The following SRPK1 variants were observed in gnomAD, a reference collection of about 807,000 sequenced individuals.
SRPK1 encodes the protein SRSF protein kinase 1.
In SRPK1, 52 loss-of-function variants were observed where a neutral mutation model predicts 89.5. That is an observed-to-expected ratio of 0.58 (90% CI 0.46 to 0.73). The LOEUF is 0.73. Ranked by LOEUF, SRPK1 falls within the 30% of genes least tolerant of loss-of-function variation. The pLI is 0.00. For missense variants in SRPK1, 603 were observed against 780.6 expected (o/e 0.77, Z 2.71); for synonymous variants, 255 against 270.2 (o/e 0.94, Z 0.55).
At chr6:35,915,991 A>AATATATAT (rs1286740833) in intron 2 of SRPK1, among the ~76,000 whole-genome samples, 15 of 86,298 alleles carry the variant, frequency 1.7e-4, no homozygotes, top group African/African-American at 8.3e-4. Flanking sequence ...AAAAAAAAAA[A>AATATATAT]ATATATACAC....
chr6:35,864,099 CAT>C (rs1054424109), intron 12 of SRPK1, among the ~76,000 whole-genome samples: 26 of 152,082 alleles, frequency 1.7e-4, no homozygotes, highest in African/African-American at 2.2e-4. Context: ...TACAAGAAAA[CAT>C]GTGGGAAAAT....
chr6:35,917,547 C>G (rs1771138005), intron 2 of SRPK1, among the ~76,000 whole-genome samples: 1 of 151,960 alleles, frequency 6.6e-6, no homozygotes, highest in Non-Finnish European at 1.5e-5. Flanking sequence ...ATTTAAAATC[C>G]CAAAGTCAAA....
At chr6:35,899,009 A>C (rs1006365259) in intron 2 of SRPK1, among the ~76,000 whole-genome samples, 1 of 152,144 alleles carries the variant, frequency 6.6e-6, no homozygotes, top group African/African-American at 2.4e-5. Context: ...AAAAATACAA[A>C]AATTAGCTGG....
chr6:35,862,356 A>G (rs552282947), intron 12 of SRPK1, among the ~76,000 whole-genome samples: 1 of 152,216 alleles, frequency 6.6e-6, no homozygotes, highest in African/African-American at 2.4e-5. Context: ...AAACCTCACC[A>G]CAACCTAAAC....
chr6:35,872,579 C>T lies in SRPK1; in HGVS notation c.735G>A (p.Pro245=). The T allele has an allele frequency of 2.5e-6, 4 of 1,605,496 alleles. No homozygotes were observed. Among genetic ancestry groups the T allele is most frequent in the South Asian group, 1.1e-5 (1 of 88,144 alleles). Residue 245 remains proline, a synonymous_variant, in exon 8 of 16, where the codon CCG becomes CCA. Transcript: ENST00000373825. The part of the protein sequence containing the change: ...ATEWQRSGAP[P]PSGSAVSTAP... ...AAAATACACCTGCAGATCCGGAAGG[C>T]GGAGGAGCTCCAGATCGCTGCCATT...
At chr6:35,879,588 A>AT (rs1197875464) in intron 6 of SRPK1, among the ~76,000 whole-genome samples, 1 of 152,178 alleles carries the variant, frequency 6.6e-6, no homozygotes, top group Non-Finnish European at 1.5e-5. Context: ...AACCTTAGGG[A>AT]TATGGCCAAA....
At chr6:35,836,266 G>A (rs1769176391) in intron 15 of SRPK1, among the ~76,000 whole-genome samples, 1 of 152,024 alleles carries the variant, frequency 6.6e-6, no homozygotes, top group Non-Finnish European at 1.5e-5. Context: ...AGGTGACACA[G>A]TTTTATCTCC....
At chr6:35,893,282 C>T (rs1770558230) in intron 2 of SRPK1, among the ~76,000 whole-genome samples, 1 of 152,112 alleles carries the variant, frequency 6.6e-6, no homozygotes, top group African/African-American at 2.4e-5. Context: ...CCTAAAAGTT[C>T]AAGACCAGCC....
intron 13 of SRPK1, among the ~76,000 whole-genome samples, chr6:35,854,377 T>C (rs574736857): frequency 6.6e-6 from 1 of 152,340 alleles, no homozygotes; most frequent in Admixed American, 6.5e-5. Context: ...TTAATTACAT[T>C]GGATGCAGGA....
chr6:35,917,794 G>T (rs548992280), intron 2 of SRPK1, among the ~76,000 whole-genome samples: 7 of 152,254 alleles, frequency 4.6e-5, no homozygotes, highest in African/African-American at 1.7e-4. Flanking sequence ...TCATTTAAAC[G>T]CTTTGTTTTT....
intron 2 of SRPK1, among the ~76,000 whole-genome samples, chr6:35,901,699 T>C (rs1359385814): frequency 6.6e-6 from 1 of 152,226 alleles, no homozygotes; most frequent in African/African-American, 2.4e-5. Context: ...TTTAACGAGA[T>C]GCTATTTTAG....
chr6:35,889,243 ATATC>A (rs1770469956), intron 3 of SRPK1, among the ~76,000 whole-genome samples: 1 of 152,176 alleles, frequency 6.6e-6, no homozygotes, highest in Admixed American at 6.5e-5. Context: ...CTAAACATAT[ATATC>A]TATTTACAAT....
At chr6:35,880,651 G>A (rs778076776) in intron 6 of SRPK1, among the ~76,000 whole-genome samples, 1 of 147,026 alleles carries the variant, frequency 6.8e-6, no homozygotes, top group Non-Finnish European at 1.5e-5. Flanking sequence ...GAACCCGGGA[G>A]GCAGATTGCA....
chr6:35,902,733 G>A (rs759576340), intron 2 of SRPK1, among the ~76,000 whole-genome samples: 31 of 152,300 alleles, frequency 2.0e-4, no homozygotes, highest in South Asian at 6.2e-4. Context: ...TATTGAGCAT[G>A]TACTGTATTA....
intron 12 of SRPK1, among the ~76,000 whole-genome samples, chr6:35,862,849 A>AAC (rs1769807701): frequency 6.7e-6 from 1 of 150,254 alleles, no homozygotes; most frequent in African/African-American, 2.5e-5. Flanking sequence ...ACAACAACAA[A>AAC]CCCCAGAAAT....
chr6:35,848,295 G>T (rs976793141), intron 13 of SRPK1, among the ~76,000 whole-genome samples: 7 of 152,154 alleles, frequency 4.6e-5, no homozygotes, highest in Non-Finnish European at 7.4e-5. Context: ...GGTGGCTCAC[G>T]CCTGTAATCC....
Position 35,835,327 on chromosome 6 carries a change from G to C in SRPK1, c.1945C>G (p.Arg649Gly). ...GCTTAGGAGTTAAGCCAAGGGTGCC[G>C]GAGACACTCGGCGGCAGTGGCTCTC... ...EKRATAAECL[R>G]HPWLNS The change falls in exon 16 of 16, where the codon CGG becomes GGG. Residue 649 changes from arginine to glycine, a missense_variant. Transcript: ENST00000373825. 6.2e-7 allele frequency: 1 copy of C among 1,613,654 alleles called. No individual in the cohort carries two copies. Among genetic ancestry groups the C allele is most frequent in the South Asian group, 1.1e-5 (1 of 91,000 alleles).
intron 6 of SRPK1, among the ~76,000 whole-genome samples, chr6:35,876,899 TGA>T (rs938035622): frequency 5.3e-5 from 8 of 152,102 alleles, no homozygotes; most frequent in Non-Finnish European, 1.0e-4. Context: ...CAATGGGAGC[TGA>T]GAGTCTGGAG....
At chr6:35,880,735 G>GAAAAAAAAAAAAAAAAAAA (rs1238876364) in intron 6 of SRPK1, among the ~76,000 whole-genome samples, 3 of 26,964 alleles carry the variant, frequency 1.1e-4, no homozygotes, top group East Asian at 1.2e-3. Context: ...AAAAAAAAAA[G>GAAAAAAAAAAAAAAAAAAA]AAAAAAAAAA....
Sources: allele counts gnomAD v4.1 joint callset (sites outside exome capture counted in the v4.1 genomes callset), GRCh38; gene constraint gnomAD v4.1.1; transcripts MANE v1.5; gene names NCBI Gene and HGNC (gene_info 2026-07-23, HGNC 2026-07-21).